Variants in SLC14A2 observed in about 807,000 individuals in gnomAD.
SLC14A2 encodes urea transporter 2.
Under a neutral mutation model 104.6 loss-of-function variants are expected in SLC14A2, and 91 were observed. The observed-to-expected ratio is 0.87, with a 90% CI of 0.73 to 1.04. SLC14A2 has a LOEUF of 1.04. Ranked by LOEUF, SLC14A2 falls within the 50% of genes least tolerant of loss-of-function variation. SLC14A2 has a pLI of 0.00. For missense variants in SLC14A2, 1,189 were observed against 1,156.0 expected (o/e 1.03, Z -0.41); for synonymous variants, 476 against 466.4 (o/e 1.02, Z -0.27).
intron 1 of SLC14A2, among the ~76,000 whole-genome samples, chr18:45,296,029 C>CT (rs1221055193): frequency 6.6e-6 from 1 of 152,112 alleles, no homozygotes; most frequent in Non-Finnish European, 1.5e-5. Context: ...TATTTTTACT[C>CT]TTACTATTTC....
chr18:45,260,844 G>C (rs2084528179), intron 1 of SLC14A2, among the ~76,000 whole-genome samples: 1 of 152,120 alleles, frequency 6.6e-6, no homozygotes, highest in Admixed American at 6.5e-5. Context: ...CTAGAGAGGG[G>C]AGGAAGGGAG....
At chr18:45,573,961 T>G (rs866582449) in intron 2 of SLC14A2, among the ~76,000 whole-genome samples, 42 of 152,196 alleles carry the variant, frequency 2.8e-4, no homozygotes, top group Non-Finnish European at 1.2e-4. Flanking sequence ...GCAAACTGGA[T>G]TAGAGAAAAA....
intron 1 of SLC14A2, among the ~76,000 whole-genome samples, chr18:45,332,568 G>A (rs1314180649): frequency 1.3e-5 from 2 of 152,162 alleles, no homozygotes; most frequent in Non-Finnish European, 2.9e-5. Context: ...GTCCTGGATG[G>A]TTCCTGTAGG....
rs980594406 is a variant in SLC14A2, at chr18:45,616,951, G to T, written c.-35+1369G>T. ...CGTCTCTACTAAAATACAAAAAATT[G>T]GCTGGGCATGGTGGTGTGCGCCGGT... On this transcript the variant is annotated intron_variant, in intron 1 of 19. Transcript: ENST00000255226. Among the ~76,000 whole-genome samples the T allele has an allele frequency of 8.0e-4, 122 of 152,114 alleles. 1 individual carries two copies. Among genetic ancestry groups the T allele is most frequent in the African/African-American group, 2.8e-3 (118 of 41,500 alleles).
rs183297633 is a variant in SLC14A2, at chr18:45,562,897, G to A, written c.-34-61734G>A. Among the ~76,000 whole-genome samples the A allele has an allele frequency of 2.4e-3, 369 of 152,292 alleles. 1 individual carries two copies. The highest frequency in any genetic ancestry group is 8.4e-3 in the African/African-American group (350 of 41,560). On this transcript the variant is annotated intron_variant, in intron 2 of 20. Transcript: ENST00000586448. The stretch of plus-strand genomic sequence containing the variant: ...CTGCTCTGGTCCCTCTGCAAGCGGT[G>A]CATTTAAATCACACTGTCTGACTTT...
At chr18:45,214,208 T>C (rs1599577985) in intron 1 of SLC14A2, among the ~76,000 whole-genome samples, 1 of 152,194 alleles carries the variant, frequency 6.6e-6, no homozygotes. Context: ...GAGAATTGTA[T>C]AAATTTACTC....
intron 1 of SLC14A2, among the ~76,000 whole-genome samples, chr18:45,622,352 G>A (rs1365642458): frequency 6.6e-6 from 1 of 152,178 alleles, no homozygotes; most frequent in Non-Finnish European, 1.5e-5. Flanking sequence ...GGCTTGGAAG[G>A]GGAAGATGAC....
intron 1 of SLC14A2, among the ~76,000 whole-genome samples, chr18:45,327,419 G>A (rs1179052175): frequency 6.6e-6 from 1 of 152,088 alleles, no homozygotes; most frequent in Non-Finnish European, 1.5e-5. Context: ...GTGGCATTAA[G>A]TACATTCGCA....
At chr18:45,302,690 T>A (rs548261695) in intron 1 of SLC14A2, among the ~76,000 whole-genome samples, 6 of 152,360 alleles carry the variant, frequency 3.9e-5, no homozygotes, top group African/African-American at 1.4e-4. Flanking sequence ...AAAAATAATA[T>A]TCATTATAGT....
At position 45,668,363 on chromosome 18, in the gene SLC14A2, CAGGATTTCACGGCT is replaced by C; in HGVS notation, c.1924_1937del (p.Gly642GlnfsTer17). ...TCTCCTGCCAGGTCGGCCATCGCTG[CAGGATTTCACGGCT>C]ACAATGGGGTGCTGGTGGGGCTGCT... On this transcript the variant is annotated frameshift_variant, in exon 15 of 20. Coordinates refer to ENST00000255226, the MANE Select transcript of SLC14A2 (RefSeq NM_007163.4). LOFTEE classifies it high-confidence loss of function. 6.2e-7 allele frequency: 1 copy of C among 1,614,144 alleles called. No individual in the cohort carries two copies.
chr18:45,537,075 C>G (rs1398042587), intron 2 of SLC14A2, among the ~76,000 whole-genome samples: 1 of 131,544 alleles, frequency 7.6e-6, no homozygotes, highest in Non-Finnish European at 1.6e-5. Context: ...CCCTTCCTTC[C>G]TTCCTTCCTT....
At chr18:45,558,819 T>C (rs1261198013) in intron 2 of SLC14A2, among the ~76,000 whole-genome samples, 1 of 151,198 alleles carries the variant, frequency 6.6e-6, no homozygotes, top group African/African-American at 2.5e-5. Context: ...TGAGACGGAG[T>C]CTCACTCTGT....
intron 2 of SLC14A2, among the ~76,000 whole-genome samples, chr18:45,502,306 A>T (rs1317596450): frequency 6.6e-6 from 1 of 152,190 alleles, no homozygotes; most frequent in African/African-American, 2.4e-5. Context: ...ATCATCTTGA[A>T]CTAAAGTTAA....
chr18:45,218,714 G>T (rs775655689), intron 1 of SLC14A2, among the ~76,000 whole-genome samples: 2 of 151,950 alleles, frequency 1.3e-5, no homozygotes, highest in African/African-American at 2.4e-5. Flanking sequence ...CTTTGAAGTG[G>T]CTAGAGACAT....
chr18:45,225,675 T>C (rs976598305), intron 1 of SLC14A2, among the ~76,000 whole-genome samples: 1 of 152,162 alleles, frequency 6.6e-6, no homozygotes, highest in African/African-American at 2.4e-5. Context: ...CGTTGAGCAG[T>C]GGTTTGTAGT....
At chr18:45,287,727 G>T (rs2084828770) in intron 1 of SLC14A2, among the ~76,000 whole-genome samples, 5 of 152,092 alleles carry the variant, frequency 3.3e-5, no homozygotes, top group Admixed American at 3.3e-4. Flanking sequence ...AGGGCCTTTG[G>T]ATCGCTGCCC....
At chr18:45,220,013 C>T (rs936982023) in intron 1 of SLC14A2, among the ~76,000 whole-genome samples, 6 of 152,296 alleles carry the variant, frequency 3.9e-5, no homozygotes, top group South Asian at 2.1e-4. Context: ...GATTTTCTGT[C>T]GGAAGTTAAG....
chr18:45,260,815 C>A (rs1228177646), intron 1 of SLC14A2, among the ~76,000 whole-genome samples: 3 of 151,884 alleles, frequency 2.0e-5, no homozygotes, highest in African/African-American at 4.8e-5. Context: ...ATGATGGTAA[C>A]AACAGATACT....
At chr18:45,307,685 C>T (rs888265183) in intron 1 of SLC14A2, among the ~76,000 whole-genome samples, 1 of 152,082 alleles carries the variant, frequency 6.6e-6, no homozygotes, top group African/African-American at 2.4e-5. Flanking sequence ...AAAACCTATC[C>T]TCATAATAAG....
Sources: allele counts gnomAD v4.1 joint callset (sites outside exome capture counted in the v4.1 genomes callset), GRCh38; gene constraint gnomAD v4.1.1; transcripts MANE v1.5; gene names NCBI Gene and HGNC (gene_info 2026-07-23, HGNC 2026-07-21).